FTO: variants seen among roughly 807,000 people sequenced by gnomAD.
FTO encodes the protein alpha-ketoglutarate-dependent dioxygenase FTO.
FTO carries 47 observed loss-of-function variants against 63.9 expected under a neutral mutation model. The observed-to-expected ratio is 0.74, with a 90% CI of 0.58 to 0.94. The LOEUF is 0.94. FTO is among the 40% of genes least tolerant of loss of function. FTO has a pLI of 0.00. For missense variants in FTO, 562 were observed against 618.1 expected (o/e 0.91, Z 0.96); for synonymous variants, 207 against 224.4 (o/e 0.92, Z 0.69).
intron 4 of FTO, among the ~76,000 whole-genome samples, chr16:53,868,010 GCTTT>G (rs1208248484): frequency 6.6e-6 from 1 of 152,018 alleles, no homozygotes; most frequent in Non-Finnish European, 1.5e-5. Flanking sequence ...AGGCACTCCA[GCTTT>G]CTTTAGATTA....
At chr16:53,910,086 C>T (rs1269916756) in intron 7 of FTO, among the ~76,000 whole-genome samples, 1 of 152,140 alleles carries the variant, frequency 6.6e-6, no homozygotes, top group Non-Finnish European at 1.5e-5. Flanking sequence ...TGGGGTCTCA[C>T]TTTGTTCCCC....
intron 8 of FTO, among the ~76,000 whole-genome samples, chr16:53,966,653 T>C (rs1390198127): frequency 6.6e-6 from 1 of 152,190 alleles, no homozygotes; most frequent in Non-Finnish European, 1.5e-5. Flanking sequence ...TTAAAGTAAA[T>C]TTTCTTTTTA....
At chr16:54,091,123 G>A (rs1230307063) in intron 8 of FTO, among the ~76,000 whole-genome samples, 1 of 152,166 alleles carries the variant, frequency 6.6e-6, no homozygotes, top group Non-Finnish European at 1.5e-5. Context: ...CTGGAGGTGT[G>A]GTCCGTTGGA....
intron 1 of FTO, 40 bp downstream of exon 1, chr16:53,704,269 G>A (rs376678078): frequency 4.5e-6 from 7 of 1,546,522 alleles, no homozygotes; most frequent in East Asian, 2.4e-5. Flanking sequence ...TTCGTGCGCT[G>A]TGAGCAAGGA....
intron 1 of FTO, among the ~76,000 whole-genome samples, chr16:53,752,119 G>C (rs1334020727): frequency 1.3e-5 from 2 of 152,166 alleles, no homozygotes; most frequent in African/African-American, 2.4e-5. Flanking sequence ...TCCATCAGTA[G>C]GGAACAGTTT....
chr16:53,843,197 AAC>A (rs2079524011), intron 3 of FTO, among the ~76,000 whole-genome samples: 1 of 152,208 alleles, frequency 6.6e-6, no homozygotes. Context: ...ATACTTGCTC[AAC>A]AGTCATTTTA....
At chr16:54,073,618 C>CT (rs113673279) in intron 8 of FTO, among the ~76,000 whole-genome samples, 4,489 of 144,460 alleles carry the variant, frequency 0.031, 119 homozygotes, top group African/African-American at 0.074. Context: ...TCTCTCTCCC[C>CT]TTTTTTTTTT....
chr16:53,832,901 G>C (rs1424105641), intron 3 of FTO, among the ~76,000 whole-genome samples: 1 of 151,846 alleles, frequency 6.6e-6, no homozygotes, highest in Non-Finnish European at 1.5e-5. Context: ...TATTATATTT[G>C]ACTATTCTAG....
chr16:54,011,053 C>T lies in FTO; in HGVS notation c.1364+76944C>T, dbSNP rs1358231442. ...TACATTAGAATATTTCCAGAGGGAA[C>T]CTCACTTTAATCTCATCCACCTCTG... On this transcript the variant is annotated intron_variant, in intron 8 of 8. Coordinates refer to ENST00000471389, the MANE Select transcript of FTO (RefSeq NM_001080432.3). Among the ~76,000 whole-genome samples, 6 of 152,262 alleles carry T rather than the reference C, an allele frequency of 3.9e-5. No homozygotes were observed. In the East Asian group the frequency reaches 1.2e-3, roughly 29 times the overall value.
intron 8 of FTO, among the ~76,000 whole-genome samples, chr16:53,971,157 A>G (rs192450860): frequency 6.6e-6 from 1 of 152,358 alleles, no homozygotes; most frequent in East Asian, 1.9e-4. Flanking sequence ...GATGTATTAC[A>G]ATATGCAAAA....
At chr16:53,874,932 T>A (rs951287522) in intron 5 of FTO, among the ~76,000 whole-genome samples, 1 of 152,168 alleles carries the variant, frequency 6.6e-6, no homozygotes, top group Non-Finnish European at 1.5e-5. Context: ...ATGCCCATGA[T>A]GCCCACCACT....
chr16:53,956,651 C>CT (rs556770219), intron 8 of FTO: 31,078 of 141,252 alleles, frequency 0.22, 4,827 homozygotes, highest in African/African-American at 0.45. Context: ...CTAAATTTTC[C>CT]TTTTTTTTTT....
intron 4 of FTO, among the ~76,000 whole-genome samples, chr16:53,847,494 G>T (rs979584046): frequency 6.6e-6 from 1 of 152,134 alleles, no homozygotes; most frequent in Non-Finnish European, 1.5e-5. Context: ...TAGGCCAGGC[G>T]CAGTGGCTCA....
intron 8 of FTO, chr16:54,063,588 C>T (rs1424292309): frequency 3.3e-5 from 5 of 151,770 alleles, no homozygotes; most frequent in East Asian, 1.9e-4. Flanking sequence ...AGATTTGAGG[C>T]GAAAAGTAAA....
intron 3 of FTO, among the ~76,000 whole-genome samples, chr16:53,831,301 C>G (rs1366669441): frequency 6.6e-6 from 1 of 152,072 alleles, no homozygotes; most frequent in Non-Finnish European, 1.5e-5. Flanking sequence ...TTGTATCATG[C>G]TATGCCTTGT....
intron 8 of FTO, among the ~76,000 whole-genome samples, chr16:53,990,855 A>T (rs1271563208): frequency 2.6e-5 from 4 of 151,968 alleles, no homozygotes; most frequent in Non-Finnish European, 4.4e-5. Context: ...TTTAGTAGAG[A>T]CAGGGTTTCA....
At position 54,120,778 on chromosome 16, in the gene FTO, C is replaced by G. The variant is rs1384432422; in HGVS notation, c.*8863C>G. On this transcript the variant is annotated 3_prime_UTR_variant, in exon 9 of 9. Coordinates refer to ENST00000471389, the MANE Select transcript of FTO (RefSeq NM_001080432.3). ...TTACAAGAACAGGAACAGCCCCTCC[C>G]TCCAAATTTGAGCCCAGAAAGGAGA... The G allele has an allele frequency of 2.0e-5, 3 of 152,196 alleles. No homozygotes were observed. Among genetic ancestry groups the G allele is most frequent in the Non-Finnish European group, 4.4e-5 (3 of 68,038 alleles). 9.4% of individuals were successfully genotyped at this position (152,196 alleles called of 1,614,324 possible).
chr16:54,111,943 A>T lies in FTO; in HGVS notation c.*28A>T. 6.2e-6 allele frequency: 10 copies of T among 1,613,558 alleles called. No individual in the cohort carries two copies. The highest frequency in any genetic ancestry group is 7.6e-6 in the Non-Finnish European group (9 of 1,179,676). ...GGAGCACAAGTCTCAGGCGGAGGAG[A>T]AAAAGAGATCGGCTTTTCTCCTCCA... On this transcript the variant is annotated 3_prime_UTR_variant, in exon 9 of 9. Coordinates refer to ENST00000471389, the MANE Select transcript of FTO (RefSeq NM_001080432.3).
chr16:53,991,436 C>T (rs748056278), intron 8 of FTO: 19 of 152,122 alleles, frequency 1.2e-4, no homozygotes, highest in Non-Finnish European at 2.4e-4. Flanking sequence ...AGTATCAGAT[C>T]GTGTTTCACC....
Sources: gnomAD v4.1 joint callset for allele counts (sites outside exome capture counted in the v4.1 genomes callset) on GRCh38, gnomAD v4.1.1 for gene constraint, MANE v1.5 for transcripts, NCBI Gene and HGNC (gene_info 2026-07-23, HGNC 2026-07-21) for gene names.